LIMCH1: variants seen among roughly 807,000 people sequenced by gnomAD.
LIMCH1 encodes the protein LIM and calponin homology domains-containing protein 1.
LIMCH1 carries 113 observed loss-of-function variants against 176.5 expected under a neutral mutation model. That is an observed-to-expected ratio of 0.64 (90% CI 0.55 to 0.75). The LOEUF (loss-of-function observed/expected upper bound fraction) is 0.75. LIMCH1 is among the 30% of genes least tolerant of loss of function. The probability of loss-of-function intolerance (pLI) is 0.00; values close to 1 mark genes in which losing one functional copy is unlikely to be tolerated. For missense variants in LIMCH1, 1,674 were observed against 1,814.9 expected, an observed-to-expected ratio of 0.92 and a Z score of 1.41; for synonymous variants, 619 against 645.9, an observed-to-expected ratio of 0.96 and a Z score of 0.63.
At chr4:41,610,422 G>A (rs1011969691) in intron 4 of LIMCH1, among the ~76,000 whole-genome samples, 2 of 152,168 alleles carry the variant, frequency 1.3e-5, no homozygotes, top group Non-Finnish European at 2.9e-5. Flanking sequence ...GGATATAAAT[G>A]AAGAGAGAGA....
intron 1 of LIMCH1, among the ~76,000 whole-genome samples, chr4:41,422,552 A>C (rs1467605860): frequency 6.6e-6 from 1 of 152,066 alleles, no homozygotes; most frequent in Admixed American, 6.6e-5. Context: ...TAAAAGAAAA[A>C]ATTTACTTCA....
intron 7 of LIMCH1, among the ~76,000 whole-genome samples, chr4:41,625,800 A>G (rs1236818804): frequency 6.6e-6 from 1 of 152,188 alleles, no homozygotes; most frequent in Non-Finnish European, 1.5e-5. Flanking sequence ...GCAAATTGGC[A>G]GGGTCATTTG....
chr4:41,635,015 G>A (rs1023699595), intron 13 of LIMCH1, among the ~76,000 whole-genome samples: 2 of 152,146 alleles, frequency 1.3e-5, no homozygotes, highest in South Asian at 2.1e-4. Flanking sequence ...ATACATTTAG[G>A]CGCTCTCCCA....
At chr4:41,473,468 G>C (rs543006588) in intron 1 of LIMCH1, among the ~76,000 whole-genome samples, 1 of 152,198 alleles carries the variant, frequency 6.6e-6, no homozygotes, top group Non-Finnish European at 1.5e-5. Context: ...CAACTGGTCT[G>C]TTTTGCTGGT....
chr4:41,540,570 C>G (rs1163622323), intron 1 of LIMCH1, among the ~76,000 whole-genome samples: 1 of 152,138 alleles, frequency 6.6e-6, no homozygotes, highest in Non-Finnish European at 1.5e-5. Context: ...GAAACTCTAT[C>G]TCTACTAAAA....
At chr4:41,612,446 A>G (rs2091543086) in intron 4 of LIMCH1, 2 of 671,616 alleles carry the variant, frequency 3.0e-6, no homozygotes. Context: ...CCTCTCTGCC[A>G]GTGTTATCCA....
chr4:41,473,461 C>T (rs2067277835), intron 1 of LIMCH1, among the ~76,000 whole-genome samples: 1 of 152,190 alleles, frequency 6.6e-6, no homozygotes, highest in Non-Finnish European at 1.5e-5. Context: ...AAAATAGCAA[C>T]TGGTCTGTTT....
At chr4:41,445,169 C>A (rs966929435) in intron 1 of LIMCH1, among the ~76,000 whole-genome samples, 2 of 151,978 alleles carry the variant, frequency 1.3e-5, no homozygotes, top group Non-Finnish European at 2.9e-5. Context: ...CCACGCCTGG[C>A]TAATTTTTAT....
chr4:41,491,240 G>A (rs529100119), intron 1 of LIMCH1, among the ~76,000 whole-genome samples: 466 of 148,858 alleles, frequency 3.1e-3, no homozygotes, highest in African/African-American at 7.6e-3. Flanking sequence ...CAGATGGGGC[G>A]GCCGGGCAGA....
At chr4:41,472,767 TGGGAAAC>T (rs1264187180) in intron 1 of LIMCH1, among the ~76,000 whole-genome samples, 2 of 152,140 alleles carry the variant, frequency 1.3e-5, no homozygotes, top group Non-Finnish European at 1.5e-5. Context: ...TTAGACAGAT[TGGGAAAC>T]AGTATTTTAT....
intron 2 of LIMCH1, among the ~76,000 whole-genome samples, chr4:41,602,859 A>G (rs1008223376): frequency 6.6e-6 from 1 of 152,110 alleles, no homozygotes; most frequent in African/African-American, 2.4e-5. Flanking sequence ...AGATAAGGAC[A>G]TCCCATTTTT....
At chr4:41,472,135 A>G (rs1380049383) in intron 1 of LIMCH1, among the ~76,000 whole-genome samples, 3 of 152,248 alleles carry the variant, frequency 2.0e-5, no homozygotes, top group South Asian at 2.1e-4. Flanking sequence ...AAGAGAAGCC[A>G]TAAAGAAACC....
intron 2 of LIMCH1, among the ~76,000 whole-genome samples, chr4:41,601,305 A>C (rs2089880366): frequency 6.6e-6 from 1 of 152,214 alleles, no homozygotes; most frequent in Non-Finnish European, 1.5e-5. Flanking sequence ...GCTGAGAAGA[A>C]AATAAAATGG....
At chr4:41,688,295 G>T (rs528043580) in intron 29 of LIMCH1, among the ~76,000 whole-genome samples, 13 of 152,326 alleles carry the variant, frequency 8.5e-5, no homozygotes, top group Admixed American at 2.6e-4. Context: ...AGAGAACCAG[G>T]AGGAGGCTGA....
At chr4:41,361,461 G>T (rs2052029796) in intron 1 of LIMCH1, among the ~76,000 whole-genome samples, 1 of 152,204 alleles carries the variant, frequency 6.6e-6, no homozygotes, top group Non-Finnish European at 1.5e-5. Context: ...TGTATTCCTG[G>T]CACCGGGTCA....
At chr4:41,381,181 C>T (rs569119212) in intron 1 of LIMCH1, among the ~76,000 whole-genome samples, 1 of 152,264 alleles carries the variant, frequency 6.6e-6, no homozygotes, top group South Asian at 2.1e-4. Flanking sequence ...GATTCTAGCA[C>T]CAAGTGAGTG....
chr4:41,378,504 T>G (rs998621162), intron 1 of LIMCH1, among the ~76,000 whole-genome samples: 1 of 152,250 alleles, frequency 6.6e-6, no homozygotes, highest in African/African-American at 2.4e-5. Context: ...TAGTATTTTT[T>G]AATGGAGTTT....
chr4:41,533,340 C>T (rs2077525380), upstream of LIMCH1, among the ~76,000 whole-genome samples: 1 of 152,138 alleles, frequency 6.6e-6, no homozygotes, highest in African/African-American at 2.4e-5. Context: ...GGTCTGAATG[C>T]CAGGAGGAAG....
Position 41,689,573 on chromosome 4 carries a change from G to A in LIMCH1, c.4213G>A (p.Gly1405Ser). 4 of 1,612,288 alleles carry A rather than the reference G, an allele frequency of 2.5e-6. No homozygotes were observed. Among genetic ancestry groups the A allele is most frequent in the Non-Finnish European group, 3.4e-6 (4 of 1,178,528 alleles). ...GTGCTCTTCCTGTGGGCTTCCTTTG[G>A]GTAAAGGAGCTGCAATGATCATCGA... ...KLCSSCGLPL[G>S]KGAAMIIETL... Residue 1405 changes from glycine to serine, a missense_variant, in exon 30 of 32, where the codon GGT (glycine) becomes AGT (serine). Around this residue, in one of 3 missense-constraint regions of LIMCH1, gnomAD observed 1,015 missense variants for 1,102.5 expected, o/e 0.92. Transcript: ENST00000503057.
Sources: gnomAD v4.1 joint callset for allele counts (sites outside exome capture counted in the v4.1 genomes callset) on GRCh38, gnomAD v4.1.1 for gene constraint, gnomAD v4.1.1 regional missense constraint, MANE v1.5 for transcripts, NCBI Gene and HGNC (gene_info 2026-07-23, HGNC 2026-07-21) for gene names.